MYO18B: variants seen among roughly 807,000 people sequenced by gnomAD.
The protein encoded by MYO18B is myosin XVIIIB.
In MYO18B, 204 loss-of-function variants were observed where a neutral mutation model predicts 273.0. The ratio of observed to expected loss-of-function variants is 0.75; its 90% CI spans 0.67 to 0.84. MYO18B has a LOEUF of 0.84. MYO18B is among the 40% of genes least tolerant of loss of function. The probability of loss-of-function intolerance (pLI) is 0.00; values close to 1 mark genes in which losing one functional copy is unlikely to be tolerated. For synonymous variants in MYO18B, 1,330 were observed against 1,305.7 expected, an observed-to-expected ratio of 1.02 and a Z score of -0.40; for missense variants, 3,212 against 3,287.6, an observed-to-expected ratio of 0.98 and a Z score of 0.56.
At position 25,911,002 on chromosome 22, in the gene MYO18B, C is replaced by G; in HGVS notation, c.5316C>G (p.Leu1772=). 6.2e-7 allele frequency: 1 copy of G among 1,606,136 alleles called. No individual in the cohort carries two copies. Among genetic ancestry groups the G allele is most frequent in the East Asian group, 2.2e-5 (1 of 44,668 alleles). ...AGTATGAAGAGAAGCAGATGGTCCTCCATGAGAAGCAAGATTTGGAAGGCT... is the reference window on the plus strand; with the variant it reads ...AGTATGAAGAGAAGCAGATGGTCCTGCATGAGAAGCAAGATTTGGAAGGCT... The part of the protein sequence containing the change: ...EQEYEEKQMV[L]HEKQDLEGLI... The change falls in exon 33 of 44, where the codon CTC becomes CTG. Residue 1772 remains leucine, a synonymous_variant. Transcript: ENST00000335473.
intron 31 of MYO18B, among the ~76,000 whole-genome samples, chr22:25,906,820 A>T (rs1240068627): frequency 6.6e-6 from 1 of 152,054 alleles, no homozygotes; most frequent in Non-Finnish European, 1.5e-5. Flanking sequence ...TCACGTATAA[A>T]ACCATCATAT....
chr22:25,745,619 T>C (rs2085757955), intron 1 of MYO18B, among the ~76,000 whole-genome samples: 1 of 152,206 alleles, frequency 6.6e-6, no homozygotes, highest in Non-Finnish European at 1.5e-5. Flanking sequence ...TGCTTCTTTT[T>C]TACTGTGTTT....
At chr22:25,746,956 C>T (rs1366477230) in intron 1 of MYO18B, among the ~76,000 whole-genome samples, 2 of 152,070 alleles carry the variant, frequency 1.3e-5, no homozygotes, top group Non-Finnish European at 2.9e-5. Context: ...CCCGTCTCTA[C>T]TAAAAATGCA....
At chr22:25,952,539 A>G (rs1347448747) in intron 38 of MYO18B, 116 bp downstream of exon 38, 3 of 1,344,122 alleles carry the variant, frequency 2.2e-6, no homozygotes, top group African/African-American at 1.4e-5. Context: ...CTAGATATAC[A>G]TTACTCATCC....
Position 25,770,191 on chromosome 22 carries a change from T to C in MYO18B, c.1579+15T>C, listed in dbSNP as rs757968809. The stretch of plus-strand genomic sequence containing the variant: ...ATTTACTCTTGGTAAGTAGGGGTGT[T>C]AGCACCTTTGGAGGGTCTGAGTCTT... On this transcript the variant is annotated intron_variant, in intron 5 of 43. Coordinates refer to ENST00000335473, the MANE Select transcript of MYO18B (RefSeq NM_032608.7). 2 of 1,613,498 alleles carry C rather than the reference T, an allele frequency of 1.2e-6. No homozygotes were observed. The highest frequency in any genetic ancestry group is 1.7e-5 in the Admixed American group (1 of 60,026).
rs116973632 is a variant in MYO18B at position 25,822,476 on chromosome 22, T to C, written c.2522-1029T>C. ...CTTGTCTGTTGTCACACTCCCTCAA[T>C]GGACTATAAGCTCCATGAGGACAGG... On this transcript the variant is annotated intron_variant, in intron 12 of 43. Transcript: ENST00000335473. Among the ~76,000 whole-genome samples, 207 of 152,354 alleles carry C rather than the reference T, an allele frequency of 1.4e-3. 2 individuals are homozygous for C. In the East Asian group the frequency reaches 0.036, roughly 26 times the overall value.
intron 12 of MYO18B, among the ~76,000 whole-genome samples, chr22:25,803,493 C>T (rs921482123): frequency 3.3e-5 from 5 of 151,910 alleles, no homozygotes; most frequent in African/African-American, 1.2e-4. Flanking sequence ...CTGGCTTGCA[C>T]AACAGGTAAA....
chr22:25,859,134 T>G (rs902727141), intron 21 of MYO18B, among the ~76,000 whole-genome samples: 5 of 152,236 alleles, frequency 3.3e-5, no homozygotes, highest in Non-Finnish European at 7.3e-5. Flanking sequence ...ATAGTAATTT[T>G]ACTATTTCTA....
intron 17 of MYO18B, among the ~76,000 whole-genome samples, chr22:25,836,868 A>T (rs188107520): frequency 6.6e-6 from 1 of 152,162 alleles, no homozygotes; most frequent in East Asian, 1.9e-4. Flanking sequence ...AGGCTGAGGC[A>T]GGAGAATTGC....
the MYO18B span, among the ~76,000 whole-genome samples, chr22:26,046,351 A>G: frequency 2.0e-5 from 3 of 152,162 alleles, no homozygotes; most frequent in Non-Finnish European, 4.4e-5. Flanking sequence ...AGAGAAGGCA[A>G]TTTCACCTTC....
chr22:26,015,149 G>A (rs1025845849), intron 42 of MYO18B, among the ~76,000 whole-genome samples: 2 of 152,134 alleles, frequency 1.3e-5, no homozygotes, highest in African/African-American at 2.4e-5. Context: ...TGTCCAGAAT[G>A]GTATTGCCTA....
chr22:25,908,521 G>A, intron 32 of MYO18B, 89 bp downstream of exon 32: 1 of 1,117,420 alleles, frequency 8.9e-7, no homozygotes, highest in Non-Finnish European at 1.3e-6. Flanking sequence ...GTAGGACAGG[G>A]TCTGGGATCT....
At chr22:25,872,516 A>C (rs1430559735) in intron 22 of MYO18B, among the ~76,000 whole-genome samples, 1 of 152,218 alleles carries the variant, frequency 6.6e-6, no homozygotes. Flanking sequence ...TGAGTATTAA[A>C]AAGAGACCTA....
chr22:25,750,415 T>C (rs538882399), intron 1 of MYO18B, among the ~76,000 whole-genome samples: 1 of 152,296 alleles, frequency 6.6e-6, no homozygotes, highest in Admixed American at 6.5e-5. Flanking sequence ...GTAGAAGAGA[T>C]GGAGGGGGAA....
intron 33 of MYO18B, 79 bp downstream of exon 33, chr22:25,911,129 C>A: frequency 1.9e-6 from 2 of 1,039,502 alleles, no homozygotes; most frequent in Non-Finnish European, 2.9e-6. Context: ...GAGAGAACAG[C>A]CTGAGGGATA....
intron 28 of MYO18B, chr22:25,896,617 A>G (rs117051402): frequency 1.3e-5 from 2 of 152,266 alleles, no homozygotes; most frequent in Non-Finnish European, 2.9e-5. Flanking sequence ...TATATATAAT[A>G]TATTTTTATC....
chr22:25,787,676 G>A (rs908474201), intron 11 of MYO18B, among the ~76,000 whole-genome samples: 11 of 152,116 alleles, frequency 7.2e-5, no homozygotes, highest in Non-Finnish European at 1.3e-4. Flanking sequence ...CATGAAACAA[G>A]CTGGAATGAG....
In MYO18B at chr22:25,992,450, G is replaced by A. The variant is rs750748534; in HGVS notation, c.6244G>A (p.Ala2082Thr). ...CATTCGGCGGATTGCCGACCTGCAGGCTGCCTTGGAAGAAGTGGCATCCAG... is the reference window on the plus strand; with the variant it reads ...CATTCGGCGGATTGCCGACCTGCAGACTGCCTTGGAAGAAGTGGCATCCAG... ...TSIRRIADLQ[A>T]ALEEVASSDS... The change falls in exon 40 of 44, where the codon GCT becomes ACT. Residue 2082 changes from alanine (A) to threonine (T), a missense_variant. Coordinates refer to ENST00000335473, the MANE Select transcript of MYO18B (RefSeq NM_032608.7). 6.2e-7 allele frequency: 1 copy of A among 1,614,012 alleles called. No individual in the cohort carries two copies. The highest frequency in any genetic ancestry group is 8.5e-7 in the Non-Finnish European group (1 of 1,179,896).
chr22:26,008,405 G>T (rs1394309733), intron 42 of MYO18B, among the ~76,000 whole-genome samples: 1 of 152,122 alleles, frequency 6.6e-6, no homozygotes, highest in Admixed American at 6.5e-5. Flanking sequence ...ATATTACCTG[G>T]TGCATGGGAA....
Sources: allele counts gnomAD v4.1 joint callset (sites outside exome capture counted in the v4.1 genomes callset), GRCh38; gene constraint gnomAD v4.1.1; transcripts MANE v1.5; gene names NCBI Gene and HGNC (gene_info 2026-07-23, HGNC 2026-07-21).